Variants in PLCL2 observed in about 807,000 individuals in gnomAD.
PLCL2 encodes phospholipase C like 2.
A neutral mutation model predicts 79.6 loss-of-function variants in PLCL2; 4 were observed. The observed-to-expected ratio is 0.05, with a 90% confidence interval of 0.02 to 0.11. PLCL2 has a LOEUF of 0.11. Ranked by LOEUF, PLCL2 falls within the 10% of genes least tolerant of loss-of-function variation. The pLI is 1.00. For missense variants in PLCL2, 895 were observed against 1,291.0 expected, an observed-to-expected ratio of 0.69 and a Z score of 4.70; for synonymous variants, 484 against 457.7, an observed-to-expected ratio of 1.06 and a Z score of -0.73.
intron 1 of PLCL2, among the ~76,000 whole-genome samples, chr3:16,907,272 A>G (rs2124925451): frequency 6.6e-6 from 1 of 152,296 alleles, no homozygotes; most frequent in Admixed American, 6.5e-5. Flanking sequence ...TCATTTTGTT[A>G]CAAAAGGGGC....
chr3:16,964,232 C>T (rs1288891868), intron 1 of PLCL2, among the ~76,000 whole-genome samples: 1 of 146,640 alleles, frequency 6.8e-6, no homozygotes, highest in Non-Finnish European at 1.5e-5. Flanking sequence ...TAAGTGTTCT[C>T]ATTGTTCAGT....
At chr3:17,067,879 A>G in intron 4 of PLCL2, 77 bp from the exon 5 acceptor site, 1 of 765,992 alleles carries the variant, frequency 1.3e-6, no homozygotes, top group Non-Finnish European at 2.1e-6. Flanking sequence ...AGCTGTACCT[A>G]GAAAAAGAAA....
chr3:16,966,395 T>A (rs200443328), intron 1 of PLCL2, among the ~76,000 whole-genome samples: 1 of 151,968 alleles, frequency 6.6e-6, no homozygotes, highest in Non-Finnish European at 1.5e-5. Flanking sequence ...ATAAGCTTTT[T>A]AATGTGTTGC....
At chr3:16,947,399 G>A (rs1325297379) in intron 1 of PLCL2, among the ~76,000 whole-genome samples, 1 of 152,200 alleles carries the variant, frequency 6.6e-6, no homozygotes, top group East Asian at 1.9e-4. Context: ...CGATGGTGCA[G>A]TTGTTCCTAG....
intron 1 of PLCL2, among the ~76,000 whole-genome samples, chr3:16,919,210 T>G (rs1697067271): frequency 6.6e-6 from 1 of 152,196 alleles, no homozygotes; most frequent in African/African-American, 2.4e-5. Context: ...AGTTTAATAG[T>G]GCCTTTATAT....
intron 1 of PLCL2, among the ~76,000 whole-genome samples, chr3:16,943,116 T>C (rs1403186017): frequency 2.0e-5 from 3 of 152,208 alleles, no homozygotes; most frequent in Non-Finnish European, 4.4e-5. Context: ...AACATTATTA[T>C]GAGTGCTTTA....
intron 1 of PLCL2, among the ~76,000 whole-genome samples, chr3:16,908,809 T>C (rs2124926467): frequency 6.6e-6 from 1 of 152,290 alleles, no homozygotes; most frequent in South Asian, 2.1e-4. Context: ...GCTTGTTTAT[T>C]CAGATGAAGA....
chr3:16,980,493 G>A (rs1289592156), intron 1 of PLCL2, among the ~76,000 whole-genome samples: 8 of 143,930 alleles, frequency 5.6e-5, no homozygotes, highest in South Asian at 2.3e-4. Flanking sequence ...CTCACATCCC[G>A]GACGGGGCGG....
intron 1 of PLCL2, among the ~76,000 whole-genome samples, chr3:16,971,756 G>A (rs1024081654): frequency 1.3e-5 from 2 of 151,996 alleles, no homozygotes; most frequent in African/African-American, 4.8e-5. Flanking sequence ...CCTTGAAGAG[G>A]TCCTTCATGT....
Position 16,947,040 on chromosome 3 carries a change from C to T in PLCL2, c.327+61674C>T, listed in dbSNP as rs144822253. Among the ~76,000 whole-genome samples, 1,333 of 144,054 alleles carry T rather than the reference C, an allele frequency of 9.3e-3. 26 individuals carry two copies. Among genetic ancestry groups the T allele is most frequent in the African/African-American group, 0.033 (1,255 of 38,272 alleles). The allele number at this position is 144,054 out of a possible 152,430, so 94.5% of individuals were successfully genotyped here. The stretch of plus-strand genomic sequence containing the variant: ...GCACGGTCATGGCTCACTGCAGCCT[C>T]GACCCCCTGGGCTCAGGTGATCCTC... On this transcript the variant is annotated intron_variant, in intron 1 of 5. Transcript: ENST00000615277.
intron 1 of PLCL2, among the ~76,000 whole-genome samples, chr3:16,959,938 T>G (rs575430651): frequency 5.7e-4 from 87 of 152,210 alleles, no homozygotes; most frequent in African/African-American, 2.0e-3. Flanking sequence ...ACCCCGTCTC[T>G]GCTAAAAATA....
At chr3:16,994,983 G>C (rs1575576739) in intron 1 of PLCL2, among the ~76,000 whole-genome samples, 1 of 152,366 alleles carries the variant, frequency 6.6e-6, no homozygotes, top group Admixed American at 6.5e-5. Context: ...CCAAAGGTGT[G>C]TGGTGAGCAC....
intron 3 of PLCL2, among the ~76,000 whole-genome samples, chr3:17,038,205 T>C (rs2064678207): frequency 1.3e-5 from 2 of 152,210 alleles, no homozygotes; most frequent in African/African-American, 4.8e-5. Flanking sequence ...CCAAACACTT[T>C]AGTTCCAGAA....
intron 5 of PLCL2, among the ~76,000 whole-genome samples, chr3:17,088,536 C>CA (rs748155385): frequency 1.3e-5 from 2 of 152,054 alleles, no homozygotes; most frequent in East Asian, 1.9e-4. Context: ...AAAAATAGAA[C>CA]AAAAAAGCAA....
At chr3:16,973,096 A>G (rs2063890471) in intron 1 of PLCL2, among the ~76,000 whole-genome samples, 1 of 152,096 alleles carries the variant, frequency 6.6e-6, no homozygotes, top group African/African-American at 2.4e-5. Flanking sequence ...TATGTATTTA[A>G]GTGTGTTTTT....
chr3:17,025,960 C>T (rs2064513479), intron 3 of PLCL2, among the ~76,000 whole-genome samples: 1 of 152,192 alleles, frequency 6.6e-6, no homozygotes, highest in African/African-American at 2.4e-5. Flanking sequence ...GGGTGAGTCC[C>T]TTCTGCACAG....
rs2065260455 is a variant in PLCL2 at position 17,090,353 on chromosome 3, G to A, written c.*441G>A. 3.8e-5 allele frequency: 26 copies of A among 677,414 alleles called. No individual in the cohort carries two copies. Among genetic ancestry groups the A allele is most frequent in the South Asian group, 6.7e-5 (1 of 14,966 alleles). 42.0% of individuals were successfully genotyped at this position (677,414 alleles called of 1,614,324 possible). A position where few individuals can be genotyped will look rare whatever the true frequency, so the allele number is the denominator to read the frequency against. On this transcript the variant is annotated 3_prime_UTR_variant, in exon 6 of 6. Coordinates refer to ENST00000615277, the MANE Select transcript of PLCL2 (RefSeq NM_001144382.2). ...CTCTGGGTTCTAGATGATTTTGGTG[G>A]CATGCTTGCTGAGCCATAATTACTA...
chr3:16,915,468 T>TTTC lies in PLCL2; in HGVS notation c.327+30102_327+30103insTTC, dbSNP rs541266444. ...ATTTTTCAGTGTATATTTCCTGTTA[T>TTTC]AGTTATTCATGCTCCATAATTCATG... On this transcript the variant is annotated intron_variant, in intron 1 of 5. Coordinates refer to ENST00000615277, the MANE Select transcript of PLCL2 (RefSeq NM_001144382.2). Among the ~76,000 whole-genome samples, 819 of 152,332 alleles carry TTTC rather than the reference T, an allele frequency of 5.4e-3. 9 individuals are homozygous for TTTC. Among genetic ancestry groups the TTTC allele is most frequent in the African/African-American group, 0.019 (784 of 41,586 alleles).
intron 1 of PLCL2, among the ~76,000 whole-genome samples, chr3:16,912,062 A>C (rs976574965): frequency 3.9e-5 from 6 of 152,194 alleles, no homozygotes; most frequent in Non-Finnish European, 7.4e-5. Context: ...ATCCCAAAAA[A>C]ATCTGAAACG....
Sources: allele counts gnomAD v4.1 joint callset (sites outside exome capture counted in the v4.1 genomes callset), GRCh38; gene constraint gnomAD v4.1.1; transcripts MANE v1.5; gene names NCBI Gene and HGNC (gene_info 2026-07-23, HGNC 2026-07-21).